Variants in TRPC1 observed in about 807,000 individuals in gnomAD.
The protein encoded by TRPC1 is transient receptor potential cation channel subfamily C member 1, also known as short transient receptor potential channel 1.
TRPC1 carries 42 observed loss-of-function variants against 88.2 expected under a neutral mutation model. The observed-to-expected ratio is 0.48, with a 90% confidence interval of 0.37 to 0.62. The LOEUF is 0.62. Among genes scored for constraint, TRPC1 ranks in the 20% least tolerant of loss-of-function variants. The pLI is 0.00. For synonymous variants in TRPC1, 288 were observed against 331.8 expected (o/e 0.87, Z 1.43); for missense variants, 699 against 957.3 (o/e 0.73, Z 3.56).
intron 3 of TRPC1, 59 bp downstream of exon 3, chr3:142,743,645 C>A: frequency 1.9e-6 from 2 of 1,074,304 alleles, no homozygotes; most frequent in Non-Finnish European, 1.2e-6. Context: ...ATCTCTTGCC[C>A]CATTGCCATT....
At chr3:142,742,008 CA>C in intron 2 of TRPC1, among the ~76,000 whole-genome samples, 1 of 151,796 alleles carries the variant, frequency 6.6e-6, no homozygotes, top group East Asian at 1.9e-4. Flanking sequence ...ACTAAAAATA[CA>C]AAAATTAGCC....
rs1345745529 is a variant in TRPC1, at chr3:142,777,782, T to A, written c.764+19T>A. On this transcript the variant is annotated intron_variant, in intron 5 of 12. Coordinates refer to ENST00000476941, the MANE Select transcript of TRPC1 (RefSeq NM_001251845.2). ...AATTCAGGTGGGAATGAATGCAAAT[T>A]ATATAATGTATTTTGTTTTAAATCT... 1 of 1,595,404 alleles carries A rather than the reference T, an allele frequency of 6.3e-7. No individual in the cohort carries two copies. The highest frequency in any genetic ancestry group is 1.8e-5 in the Admixed American group (1 of 56,858).
At chr3:142,770,662 C>T (rs147892138) in intron 4 of TRPC1, among the ~76,000 whole-genome samples, 3 of 152,300 alleles carry the variant, frequency 2.0e-5, no homozygotes, top group African/African-American at 4.8e-5. Flanking sequence ...AAGCTGTTCA[C>T]ATTTAATGTT....
chr3:142,778,411 G>C (rs1470579104), intron 5 of TRPC1, among the ~76,000 whole-genome samples: 1 of 150,766 alleles, frequency 6.6e-6, no homozygotes, highest in East Asian at 1.9e-4. Context: ...CTTTAGGGGG[G>C]TAAGTTGAAA....
chr3:142,731,869 C>A (rs13434361), intron 1 of TRPC1, among the ~76,000 whole-genome samples: 4,419 of 152,164 alleles, frequency 0.029, 229 homozygotes, highest in African/African-American at 0.1. Context: ...TTTCGTAACA[C>A]ATGAAAAGTC....
At position 142,792,015 on chromosome 3, in the gene TRPC1, A is replaced by T. The variant is rs1261993022; in HGVS notation, c.1438-809A>T. The stretch of plus-strand genomic sequence containing the variant: ...TATATAATATTCTCTGTTTTTTATT[A>T]GTTCTTAGATTATTGAAAAGGCAAG... On this transcript the variant is annotated intron_variant, in intron 8 of 12. Transcript: ENST00000476941. The surrounding 1 kb of genome is among the most constrained non-coding windows in gnomAD (Gnocchi z 4.0). Among the ~76,000 whole-genome samples, 1 of 151,954 alleles carries T rather than the reference A, an allele frequency of 6.6e-6. No homozygotes were observed. The highest frequency in any genetic ancestry group is 1.5e-5 in the Non-Finnish European group (1 of 67,928).
intron 4 of TRPC1, among the ~76,000 whole-genome samples, chr3:142,763,975 T>TATATATATATATATATATATATATATAC (rs1207123362): frequency 5.8e-5 from 4 of 68,574 alleles, no homozygotes; most frequent in Admixed American, 1.1e-4. Context: ...TATATATATA[T>TATATATATATATATATATATATATATAC]ATATATATAC....
At chr3:142,787,146 T>C (rs1263473737) in intron 7 of TRPC1, among the ~76,000 whole-genome samples, 2 of 152,214 alleles carry the variant, frequency 1.3e-5, no homozygotes, top group Admixed American at 1.3e-4. Context: ...GCATGTGCAT[T>C]AAGCCAGTAA....
chr3:142,780,834 G>T lies in TRPC1; in HGVS notation c.765G>T (p.Arg255Ser). The change falls in exon 6 of 13, where the codon AGG becomes AGT. Residue 255 changes from arginine to serine, a missense_variant and splice_region_variant. By Grantham distance (110) the Arg-to-Ser change is moderately radical. Transcript: ENST00000476941. The stretch of plus-strand genomic sequence containing the variant: ...GATAATAGAATGCTGCATTTTATAG[G>T]AATGATTATGAGGAACTAGCCCGGC... Reference protein sequence around the residue: ...KELSLVEVEFRNDYEELARQC... With the variant: ...KELSLVEVEFSNDYEELARQC... The T allele has an allele frequency of 6.3e-7, 1 of 1,599,308 alleles. No individual in the cohort carries two copies. Among genetic ancestry groups the T allele is most frequent in the Admixed American group, 1.7e-5 (1 of 57,910 alleles).
intron 4 of TRPC1, among the ~76,000 whole-genome samples, chr3:142,775,929 CATCT>C (rs1935753276): frequency 1.3e-5 from 2 of 152,236 alleles, no homozygotes; most frequent in South Asian, 2.1e-4. Flanking sequence ...GCTTTGGAAA[CATCT>C]ATCAGAATTT....
At chr3:142,754,345 A>T (rs935434297) in intron 4 of TRPC1, among the ~76,000 whole-genome samples, 2 of 152,086 alleles carry the variant, frequency 1.3e-5, no homozygotes, top group African/African-American at 4.8e-5. Context: ...ATTTAAAAAA[A>T]CTTGAGAAAC....
At chr3:142,763,274 C>T (rs1336802820) in intron 4 of TRPC1, among the ~76,000 whole-genome samples, 1 of 151,874 alleles carries the variant, frequency 6.6e-6, no homozygotes, top group East Asian at 1.9e-4. Context: ...GTTAAAGTCC[C>T]CTACTATTAT....
chr3:142,768,561 G>A (rs1935474194), intron 4 of TRPC1, among the ~76,000 whole-genome samples: 1 of 152,002 alleles, frequency 6.6e-6, no homozygotes, highest in Admixed American at 6.5e-5. Flanking sequence ...TGATTGAAGT[G>A]TTTAGTTCAC....
rs944649885 is a variant in TRPC1 at position 142,776,718 on chromosome 3, C to T, written c.633-914C>T. The stretch of plus-strand genomic sequence containing the variant: ...AGGAGATCGAGACGATCCTGGCCAA[C>T]ATGGTGAAACCCCGTCTCTACTAAA... On this transcript the variant is annotated intron_variant, in intron 4 of 12. Coordinates refer to ENST00000476941, the MANE Select transcript of TRPC1 (RefSeq NM_001251845.2). This position sits in a 1 kb window ranked among gnomAD's most constrained non-coding sequence, Gnocchi z 4.1. Among the ~76,000 whole-genome samples, 5 of 151,126 alleles carry T rather than the reference C, an allele frequency of 3.3e-5. No individual in the cohort carries two copies. Among genetic ancestry groups the T allele is most frequent in the African/African-American group, 1.2e-4 (5 of 41,138 alleles).
chr3:142,752,731 G>T (rs1290658573), intron 4 of TRPC1, among the ~76,000 whole-genome samples: 2 of 152,236 alleles, frequency 1.3e-5, no homozygotes, highest in African/African-American at 4.8e-5. Flanking sequence ...TTCAAGGGCA[G>T]AGGTCCCTGC....
chr3:142,791,668 A>G (rs2108141108), intron 8 of TRPC1, among the ~76,000 whole-genome samples: 1 of 152,226 alleles, frequency 6.6e-6, no homozygotes, highest in Non-Finnish European at 1.5e-5. Context: ...GATTAGTGTT[A>G]GATATCTTTA....
At chr3:142,744,853 C>T (rs889581779) in intron 3 of TRPC1, among the ~76,000 whole-genome samples, 1 of 152,050 alleles carries the variant, frequency 6.6e-6, no homozygotes, top group African/African-American at 2.4e-5. Flanking sequence ...TGATAACATT[C>T]ATTATTGGTG....
chr3:142,747,320 A>T (rs1934592887), intron 3 of TRPC1, among the ~76,000 whole-genome samples: 1 of 149,698 alleles, frequency 6.7e-6, no homozygotes, highest in Admixed American at 6.7e-5. Flanking sequence ...TAATAAGTAT[A>T]TACACTACTT....
chr3:142,739,104 T>A lies in TRPC1; in HGVS notation c.327+2571T>A, dbSNP rs188407943. Among the ~76,000 whole-genome samples the A allele has an allele frequency of 3.1e-3, 469 of 152,220 alleles. 3 individuals carry two copies. The highest frequency in any genetic ancestry group is 0.011 in the African/African-American group (444 of 41,526). On this transcript the variant is annotated intron_variant, in intron 2 of 12. Coordinates refer to ENST00000476941, the MANE Select transcript of TRPC1 (RefSeq NM_001251845.2). ...CTCCTGCCTCAGCCTCCCAAGTAGC[T>A]GGGATTATTATAGGCATGCACCATC...
Sources: gnomAD v4.1 joint callset for allele counts (sites outside exome capture counted in the v4.1 genomes callset) on GRCh38, gnomAD v4.1.1 for gene constraint, Gnocchi (gnomAD v3.1) non-coding constraint, MANE v1.5 for transcripts, NCBI Gene and HGNC (gene_info 2026-07-23, HGNC 2026-07-21) for gene names.